Variants in MRPL42 observed in about 807,000 individuals in gnomAD.
The protein encoded by MRPL42 is large ribosomal subunit protein mL42.
MRPL42 carries 17 observed loss-of-function variants against 17.9 expected under a neutral mutation model. The observed-to-expected ratio is 0.95, with a 90% confidence interval of 0.65 to 1.42. The LOEUF is 1.42. MRPL42 is among the 40% of genes most tolerant of loss of function. The pLI is 0.00. For synonymous variants in MRPL42, 59 were observed against 54.4 expected (o/e 1.08, Z -0.37); for missense variants, 177 against 175.2 (o/e 1.01, Z -0.06).
At chr12:93,501,004 C>A in intron 5 of MRPL42, 172 bp from the exon 6 acceptor site, 1 of 530,480 alleles carries the variant, frequency 1.9e-6, no homozygotes, top group Non-Finnish European at 3.3e-6. Context: ...GAAAAGAAAA[C>A]AAATTTTCAC....
intron 3 of MRPL42, among the ~76,000 whole-genome samples, chr12:93,478,604 T>C (rs1880300299): frequency 6.6e-6 from 1 of 152,172 alleles, no homozygotes; most frequent in Admixed American, 6.5e-5. Flanking sequence ...GAAATTGGAA[T>C]AGGTAACAGT....
chr12:93,513,572 ATCT>A lies in MRPL42; in HGVS notation c.*12354_*12356del, dbSNP rs1197064964. On this transcript the variant is annotated 3_prime_UTR_variant, in exon 6 of 6. Coordinates refer to ENST00000549982, the MANE Select transcript of MRPL42 (RefSeq NM_014050.4). Reference sequence around the variant, plus strand: ...AAACAGAATCACTACTTCAATTATAATCTTCAGTTATAATTGAAGAATGACAAA... The same window carrying A: ...AAACAGAATCACTACTTCAATTATAATCAGTTATAATTGAAGAATGACAAA... 2 of 152,192 alleles carry A rather than the reference ATCT, an allele frequency of 1.3e-5. No individual in the cohort carries two copies. The highest frequency in any genetic ancestry group is 2.9e-5 in the Non-Finnish European group (2 of 68,028). The allele number at this position is 152,192 out of a possible 1,614,324, so 9.4% of individuals were successfully genotyped here.
At chr12:93,499,637 A>G (rs985823509) in intron 5 of MRPL42, among the ~76,000 whole-genome samples, 16 of 152,156 alleles carry the variant, frequency 1.1e-4, no homozygotes, top group Admixed American at 1.3e-4. Context: ...CTGTATGCCA[A>G]CATAAGTACA....
chr12:93,494,304 T>C (rs1196690617), intron 5 of MRPL42, among the ~76,000 whole-genome samples: 1 of 152,106 alleles, frequency 6.6e-6, no homozygotes, highest in African/African-American at 2.4e-5. Context: ...GGAGACCAGT[T>C]AGGAAGTTAT....
intron 2 of MRPL42, among the ~76,000 whole-genome samples, chr12:93,475,604 C>A (rs938477205): frequency 6.6e-6 from 1 of 152,128 alleles, no homozygotes; most frequent in Non-Finnish European, 1.5e-5. Context: ...TTGCTTTTAA[C>A]TATATTGAGC....
At chr12:93,496,643 TAAAAAAAAAA>T (rs35375116) in intron 5 of MRPL42, among the ~76,000 whole-genome samples, 1 of 70,716 alleles carries the variant, frequency 1.4e-5, no homozygotes, top group Non-Finnish European at 2.5e-5. Flanking sequence ...TCAGATTAGG[TAAAAAAAAAA>T]AAAAAAAAAA....
chr12:93,476,448 C>T (rs774371403), intron 2 of MRPL42, among the ~76,000 whole-genome samples: 2 of 152,138 alleles, frequency 1.3e-5, no homozygotes, highest in South Asian at 2.1e-4. Context: ...GGATTACAGG[C>T]GTGAGCCACT....
intron 4 of MRPL42, among the ~76,000 whole-genome samples, chr12:93,482,638 C>A (rs1880514225): frequency 1.3e-5 from 2 of 152,154 alleles, no homozygotes. Flanking sequence ...ATAAGAAACA[C>A]TCTTGAGAAC....
chr12:93,467,530 G>A lies in MRPL42; in HGVS notation c.-119G>A, dbSNP rs1232984209. On this transcript the variant is annotated 5_prime_UTR_variant, in exon 1 of 6. Transcript: ENST00000549982. Reference sequence around the variant, plus strand: ...GGGACCAGGATTGAAACAAGATGGCGGGTTCGTGGTGAGAAGCCGTCAAGG... The same window carrying A: ...GGGACCAGGATTGAAACAAGATGGCAGGTTCGTGGTGAGAAGCCGTCAAGG... 6.5e-6 allele frequency: 1 copy of A among 152,714 alleles called. No homozygotes were observed. Among genetic ancestry groups the A allele is most frequent in the Non-Finnish European group, 1.5e-5 (1 of 68,084 alleles). 9.5% of individuals were successfully genotyped at this position (152,714 alleles called of 1,614,324 possible). A position where few individuals can be genotyped will look rare whatever the true frequency, so the allele number is the denominator to read the frequency against.
Position 93,501,196 on chromosome 12 carries a change from A to T in MRPL42, c.404A>T (p.Asn135Ile). The T allele has an allele frequency of 6.2e-7, 1 of 1,602,136 alleles. No homozygotes were observed. The highest frequency in any genetic ancestry group is 1.1e-5 in the South Asian group (1 of 88,076). The change falls in exon 6 of 6, where the codon AAT becomes ATT. Residue 135 changes from asparagine to isoleucine, a missense_variant. Physicochemically the swap from Asn to Ile is moderately radical, Grantham distance 149. Transcript: ENST00000549982. ...PHGRYHRCRK[N>I]LNPPKDR ...TCAAGGTATCACAGATGTCGTAAGA[A>T]TCTGAATCCTCCAAAAGACAGATGA...
rs1056136517 is a variant in MRPL42, at chr12:93,501,646, G to A, written c.*425G>A. 6.6e-6 allele frequency: 1 copy of A among 152,652 alleles called. No homozygotes were observed. The highest frequency in any genetic ancestry group is 1.5e-5 in the Non-Finnish European group (1 of 68,406). 9.5% of individuals were successfully genotyped at this position (152,652 alleles called of 1,614,324 possible). A position where few individuals can be genotyped will look rare whatever the true frequency, so the allele number is the denominator to read the frequency against. On this transcript the variant is annotated 3_prime_UTR_variant, in exon 6 of 6. Coordinates refer to ENST00000549982, the MANE Select transcript of MRPL42 (RefSeq NM_014050.4). ...CAATTTACAATATTTTCAACTGATA[G>A]TAGGTTTATTGGGATGTAACCCTAT...
chr12:93,500,675 G>A (rs1248088660), intron 5 of MRPL42: 1 of 151,594 alleles, frequency 6.6e-6, no homozygotes, highest in South Asian at 2.1e-4. Context: ...CTCACCAGAT[G>A]TGATATTTCT....
At chr12:93,488,314 C>T (rs1187156511) in intron 5 of MRPL42, 11 of 398,332 alleles carry the variant, frequency 2.8e-5, no homozygotes, top group Non-Finnish European at 4.0e-5. Context: ...CACTGTGTTG[C>T]GCAGGCTGAT....
chr12:93,514,279 T>TTTTCTGTC lies in MRPL42; in HGVS notation c.*13063_*13064insGTCTTTCT, dbSNP rs1953757365. The TTTTCTGTC allele has an allele frequency of 7.7e-6, 1 of 129,868 alleles. No individual in the cohort carries two copies. The highest frequency in any genetic ancestry group is 1.6e-5 in the Non-Finnish European group (1 of 61,146). 8.0% of individuals were successfully genotyped at this position (129,868 alleles called of 1,614,324 possible). ...GATTGGACAGTTTTCTCCCTCTGCT[T>TTTTCTGTC]TTTCTTTCTTTCTTTCTTTTTTTTT... On this transcript the variant is annotated 3_prime_UTR_variant, in exon 6 of 6. Transcript: ENST00000549982.
chr12:93,486,820 T>A (rs1362870042), intron 4 of MRPL42, among the ~76,000 whole-genome samples: 1 of 151,918 alleles, frequency 6.6e-6, no homozygotes, highest in Non-Finnish European at 1.5e-5. Context: ...GAGGGCTTTC[T>A]TTTTTTCTTT....
In MRPL42 at chr12:93,515,252, GACT is replaced by G. The variant is rs1953768389; in HGVS notation, c.*14032_*14034del. The G allele has an allele frequency of 6.6e-6, 1 of 152,148 alleles. No individual in the cohort carries two copies. The highest frequency in any genetic ancestry group is 6.5e-5 in the Admixed American group (1 of 15,270). 9.4% of individuals were successfully genotyped at this position (152,148 alleles called of 1,614,324 possible). ...TGGACTCCTGGGCACACCGTTAAGT[GACT>G]GATGGAGTCATTCAGCTGACAAATG... is the stretch of plus-strand genomic sequence containing the variant. On this transcript the variant is annotated 3_prime_UTR_variant, in exon 6 of 6. Coordinates refer to ENST00000549982, the MANE Select transcript of MRPL42 (RefSeq NM_014050.4).
chr12:93,486,814 GCTTT>G (rs1400931924), intron 4 of MRPL42, among the ~76,000 whole-genome samples: 8 of 151,898 alleles, frequency 5.3e-5, no homozygotes, highest in Admixed American at 5.3e-4. Context: ...TTAAATGAGG[GCTTT>G]CTTTTTTTCT....
At position 93,509,168 on chromosome 12, in the gene MRPL42, A is replaced by G. The variant is rs996471699; in HGVS notation, c.*7947A>G. ...ACACCACTGCACTCCAGTCTGGGTG[A>G]TAAAACGAGATTCCGTCTCAAAAAA... On this transcript the variant is annotated 3_prime_UTR_variant, in exon 6 of 6. Transcript: ENST00000549982. 2 of 143,472 alleles carry G rather than the reference A, an allele frequency of 1.4e-5. No individual in the cohort carries two copies. Among genetic ancestry groups the G allele is most frequent in the Admixed American group, 7.1e-5 (1 of 14,070 alleles). 8.9% of individuals were successfully genotyped at this position (143,472 alleles called of 1,614,324 possible). A position where few individuals can be genotyped will look rare whatever the true frequency, so the allele number is the denominator to read the frequency against.
rs1234408454 is a variant in MRPL42 at position 93,514,039 on chromosome 12, C to CG, written c.*12822dup. ...CTAATTTTTGTATTTTTAGTAGAGA[C>CG]GGGGTTTCACCATGTTGGTCAGGCT... On this transcript the variant is annotated 3_prime_UTR_variant, in exon 6 of 6. Coordinates refer to ENST00000549982, the MANE Select transcript of MRPL42 (RefSeq NM_014050.4). 3 of 151,902 alleles carry CG rather than the reference C, an allele frequency of 2.0e-5. No individual in the cohort carries two copies. The highest frequency in any genetic ancestry group is 4.4e-5 in the Non-Finnish European group (3 of 68,040). 9.4% of individuals were successfully genotyped at this position (151,902 alleles called of 1,614,324 possible).
Sources: allele counts gnomAD v4.1 joint callset (sites outside exome capture counted in the v4.1 genomes callset), GRCh38; gene constraint gnomAD v4.1.1; transcripts MANE v1.5; gene names NCBI Gene and HGNC (gene_info 2026-07-23, HGNC 2026-07-21).